The following PRRC2C variants were observed in gnomAD, a reference collection of about 807,000 sequenced individuals.
PRRC2C encodes protein PRRC2C.
In PRRC2C, 72 loss-of-function variants were observed where a neutral mutation model predicts 317.2. The observed-to-expected ratio is 0.23, with a 90% CI of 0.19 to 0.28. The LOEUF (loss-of-function observed/expected upper bound fraction) is 0.28, where lower values mean the gene tolerates loss of function less well. Ranked by LOEUF, PRRC2C falls within the 10% of genes least tolerant of loss-of-function variation. The pLI is 1.00. For synonymous variants in PRRC2C, 1,296 were observed against 1,205.9 expected (o/e 1.07, Z -1.55); for missense variants, 3,074 against 3,459.7 (o/e 0.89, Z 2.80).
At chr1:171,491,697 A>G (rs1667183774) in intron 1 of PRRC2C, among the ~76,000 whole-genome samples, 2 of 152,178 alleles carry the variant, frequency 1.3e-5, no homozygotes, top group South Asian at 4.1e-4. Context: ...TATCCAGTGT[A>G]CTTTAAAGAT....
chr1:171,538,986 A>C lies in PRRC2C; in HGVS notation c.2505-985A>C, dbSNP rs570150255. 9.4e-5 allele frequency among the ~76,000 whole-genome samples: 14 copies of C among 148,636 alleles called. No homozygotes were observed. The South Asian group carries it at 2.6e-3, about 27-fold the overall frequency. Reference sequence around the variant, plus strand: ...CTCCCAGAGTGCAAGGATTACAGGCATGAGCCACCGCTTCAGGCCCATTTT... The same window carrying C: ...CTCCCAGAGTGCAAGGATTACAGGCCTGAGCCACCGCTTCAGGCCCATTTT... On this transcript the variant is annotated intron_variant, in intron 15 of 34. Transcript: ENST00000647382.
At position 171,560,988 on chromosome 1, in the gene PRRC2C, A is replaced by G. The variant is rs997567787; in HGVS notation, c.6032-30A>G. Reference sequence around the variant, plus strand: ...AGAGATTATTAGACTCTAAATCTTAATCATGTTTTTTATGGCTTCTTCTTT... The same window carrying G: ...AGAGATTATTAGACTCTAAATCTTAGTCATGTTTTTTATGGCTTCTTCTTT... On this transcript the variant is annotated intron_variant, in intron 19 of 34. Coordinates refer to ENST00000647382, the MANE Select transcript of PRRC2C (RefSeq NM_001387844.1). 10 of 1,515,538 alleles carry G rather than the reference A, an allele frequency of 6.6e-6. No homozygotes were observed. The African/African-American group carries it at 1.4e-4, about 21-fold the overall frequency. 93.9% of individuals were successfully genotyped at this position (1,515,538 alleles called of 1,614,324 possible).
chr1:171,517,547 T>G (rs1204573273), intron 5 of PRRC2C, 44 bp from the exon 6 acceptor site: 1 of 1,567,112 alleles, frequency 6.4e-7, no homozygotes, highest in Non-Finnish European at 8.7e-7. Context: ...TTGTTCCATT[T>G]TCAGATTTTT....
intron 18 of PRRC2C, among the ~76,000 whole-genome samples, chr1:171,556,068 G>A (rs187119198): frequency 5.3e-5 from 8 of 152,220 alleles, no homozygotes; most frequent in Non-Finnish European, 8.8e-5. Flanking sequence ...ATTGAACTGC[G>A]GTGGGCTCCC....
At chr1:171,568,138 TCA>T in intron 22 of PRRC2C, 107 bp from the exon 23 acceptor site, 11 of 1,379,514 alleles carry the variant, frequency 8.0e-6, no homozygotes, top group Non-Finnish European at 9.4e-6. Context: ...TGAGCTGAGA[TCA>T]TGCCACTGCA....
intron 7 of PRRC2C, 27 bp from the exon 8 acceptor site, chr1:171,523,194 T>C: frequency 2.5e-6 from 4 of 1,574,100 alleles, no homozygotes; most frequent in Non-Finnish European, 3.4e-6. Flanking sequence ...AACTTTTGTA[T>C]CTTTTCCATG....
chr1:171,546,141 G>A (rs547271718), intron 17 of PRRC2C, among the ~76,000 whole-genome samples: 2 of 152,256 alleles, frequency 1.3e-5, no homozygotes, highest in East Asian at 1.9e-4. Context: ...ATAATAGGAC[G>A]AGAGGCAGTG....
chr1:171,538,778 C>A (rs1677327814), intron 15 of PRRC2C, among the ~76,000 whole-genome samples: 1 of 152,168 alleles, frequency 6.6e-6, no homozygotes, highest in Non-Finnish European at 1.5e-5. Context: ...GTGATGCAAT[C>A]ACAGCTCACT....
At chr1:171,582,220 C>T (rs1270456288) in intron 28 of PRRC2C, among the ~76,000 whole-genome samples, 1 of 152,142 alleles carries the variant, frequency 6.6e-6, no homozygotes, top group Non-Finnish European at 1.5e-5. Context: ...AGATTTTGTT[C>T]TGAACTTTGT....
chr1:171,583,032 G>A (rs1649049636), intron 28 of PRRC2C, among the ~76,000 whole-genome samples: 1 of 152,102 alleles, frequency 6.6e-6, no homozygotes, highest in African/African-American at 2.4e-5. Context: ...AGGCTGGAGT[G>A]CAGTGGCACA....
At chr1:171,525,436 C>A (rs1298785687) in intron 10 of PRRC2C, among the ~76,000 whole-genome samples, 2 of 152,050 alleles carry the variant, frequency 1.3e-5, no homozygotes, top group Non-Finnish European at 2.9e-5. Context: ...GATATTTGAT[C>A]CCACTTCTGA....
chr1:171,514,189 T>A (rs1250057627), intron 3 of PRRC2C, among the ~76,000 whole-genome samples: 3 of 152,196 alleles, frequency 2.0e-5, no homozygotes, highest in Admixed American at 2.0e-4. Flanking sequence ...TTTATACTGC[T>A]ATTTTTAATT....
chr1:171,580,563 A>AC (rs1156502013), intron 28 of PRRC2C, among the ~76,000 whole-genome samples: 2 of 152,238 alleles, frequency 1.3e-5, no homozygotes, highest in Non-Finnish European at 2.9e-5. Flanking sequence ...TACATTAACT[A>AC]AATTTAGTCT....
Position 171,577,475 on chromosome 1 carries a change from A to G in PRRC2C, c.6997A>G (p.Thr2333Ala), listed in dbSNP as rs994689246. 2 of 1,612,854 alleles carry G rather than the reference A, an allele frequency of 1.2e-6. No individual in the cohort carries two copies. The highest frequency in any genetic ancestry group is 1.1e-5 in the South Asian group (1 of 90,988). Residue 2333 changes from threonine (T) to alanine (A), a missense_variant, in exon 26 of 35, where the codon ACA (threonine) becomes GCA (alanine). Around this residue, in one of 11 missense-constraint regions of PRRC2C, gnomAD observed 490 missense variants for 663.1 expected, o/e 0.74. Coordinates refer to ENST00000647382, the MANE Select transcript of PRRC2C (RefSeq NM_001387844.1). ...YTTSSLSTKS[T>A]TTSDPPNICK... ...TACCTCTTCTTTGAGCACAAAATCT[A>G]CAACCACATCGGACCCTCCAAATAT...
rs532414311 is a variant in PRRC2C at position 171,569,595 on chromosome 1, GT to G, written c.6651+1266del. Among the ~76,000 whole-genome samples the G allele has an allele frequency of 6.3e-4, 16 of 25,588 alleles. No homozygotes were observed. The East Asian group carries it at 0.015, about 24-fold the overall frequency. The allele number at this position is 25,588 out of a possible 152,430, so 16.8% of individuals were successfully genotyped here. A position where few individuals can be genotyped will look rare whatever the true frequency, so the allele number is the denominator to read the frequency against. ...GTTTAAATATATATATATATATATG[GT>G]TTTTTTTTTCTTTTTTTAACTCCTT... On this transcript the variant is annotated intron_variant, in intron 23 of 34. Transcript: ENST00000647382.
chr1:171,537,395 G>C lies in PRRC2C; in HGVS notation c.2426G>C (p.Trp809Ser). ...AISLSEPRML[W>S]GSDPYPHAEP... ...TCCCTTTCTGAGCCTCGTATGCTGT[G>C]GGGGTCAGATCCCTATCCTCATGCT... Residue 809 changes from tryptophan to serine, a missense_variant, in exon 15 of 35, where the codon TGG (tryptophan) becomes TCG (serine). Coordinates refer to ENST00000647382, the MANE Select transcript of PRRC2C (RefSeq NM_001387844.1). The C allele has an allele frequency of 6.3e-7, 1 of 1,588,844 alleles. No homozygotes were observed.
At chr1:171,514,997 A>G (rs751208342) in intron 4 of PRRC2C, among the ~76,000 whole-genome samples, 2 of 152,344 alleles carry the variant, frequency 1.3e-5, no homozygotes, top group African/African-American at 2.4e-5. Flanking sequence ...TGTCCCCAAC[A>G]TCTCCTGTTT....
rs59169672 is a variant in PRRC2C at position 171,498,879 on chromosome 1, G to A, written c.-58+13144G>A. On this transcript the variant is annotated intron_variant, in intron 1 of 34. Coordinates refer to ENST00000647382, the MANE Select transcript of PRRC2C (RefSeq NM_001387844.1). ...CCAGCAGTTGCGATCATCGCTCACT[G>A]CAGCCTGGAACTCCTGGGTTCAAAT... 2.2e-3 allele frequency among the ~76,000 whole-genome samples: 332 copies of A among 152,280 alleles called. 2 individuals are homozygous for A. The highest frequency in any genetic ancestry group is 7.7e-3 in the African/African-American group (322 of 41,550).
intron 16 of PRRC2C, among the ~76,000 whole-genome samples, chr1:171,542,791 C>G (rs918874887): frequency 6.6e-6 from 1 of 151,906 alleles, no homozygotes; most frequent in African/African-American, 2.4e-5. Flanking sequence ...GATGGAGTCT[C>G]GCCTTGTCAC....
Sources: allele counts gnomAD v4.1 joint callset (sites outside exome capture counted in the v4.1 genomes callset), GRCh38; gene constraint gnomAD v4.1.1; regional missense constraint gnomAD v4.1.1; transcripts MANE v1.5; gene names NCBI Gene and HGNC (gene_info 2026-07-23, HGNC 2026-07-21).